UBE3C: variants seen among roughly 807,000 people sequenced by gnomAD.
UBE3C encodes ubiquitin protein ligase E3C.
Under a neutral mutation model 129.4 loss-of-function variants are expected in UBE3C, and 42 were observed. That is an observed-to-expected ratio of 0.32 (90% CI 0.25 to 0.42). The LOEUF is 0.42. Ranked by LOEUF, UBE3C falls within the 10% of genes least tolerant of loss-of-function variation. The pLI is 1.00. For synonymous variants in UBE3C, 510 were observed against 492.4 expected (o/e 1.04, Z -0.47); for missense variants, 1,049 against 1,319.1 (o/e 0.80, Z 3.17).
intron 4 of UBE3C, among the ~76,000 whole-genome samples, chr7:157,171,795 C>G (rs1448345648): frequency 7.0e-6 from 1 of 143,626 alleles, no homozygotes; most frequent in Non-Finnish European, 1.5e-5. Context: ...TAACCTCCGC[C>G]TCACGGGTTC....
At chr7:157,257,086 A>C (rs1215452953) in intron 22 of UBE3C, 42 bp downstream of exon 22, 1 of 1,609,362 alleles carries the variant, frequency 6.2e-7, no homozygotes, top group Non-Finnish European at 8.5e-7. Context: ...ACCACTTCAT[A>C]ATAAGAAAGG....
At chr7:157,153,995 TG>T (rs59577520) in intron 1 of UBE3C, among the ~76,000 whole-genome samples, 7 of 147,654 alleles carry the variant, frequency 4.7e-5, no homozygotes, top group African/African-American at 7.6e-5. Flanking sequence ...AGGCCCTGTC[TG>T]GGGGGGGAAA....
rs774377779 is a variant in UBE3C at position 157,254,037 on chromosome 7, C to T, written c.2778C>T (p.Tyr926=). 16 of 1,613,608 alleles carry T rather than the reference C, an allele frequency of 9.9e-6. No homozygotes were observed. The highest frequency in any genetic ancestry group is 1.4e-5 in the Non-Finnish European group (16 of 1,179,882). The change falls in exon 20 of 23, where the codon TAC becomes TAT. Residue 926 remains tyrosine (Y), a synonymous_variant. Coordinates refer to ENST00000348165, the MANE Select transcript of UBE3C (RefSeq NM_014671.3). ...RIAYIHLVAD[Y]RLNRQIRQHC... Reference sequence around the variant, plus strand: ...CGTACATCCACTTGGTGGCAGACTACAGGCTGAACAGGCAGATCCGCCAGC... The same window carrying T: ...CGTACATCCACTTGGTGGCAGACTATAGGCTGAACAGGCAGATCCGCCAGC...
At chr7:157,247,652 G>A (rs1002596052) in intron 18 of UBE3C, among the ~76,000 whole-genome samples, 5 of 151,864 alleles carry the variant, frequency 3.3e-5, no homozygotes, top group Admixed American at 2.0e-4. Flanking sequence ...AGATCGCGCG[G>A]CTGCACTCCA....
chr7:157,230,683 A>G (rs1398680724), intron 17 of UBE3C, among the ~76,000 whole-genome samples: 2 of 142,612 alleles, frequency 1.4e-5, no homozygotes, highest in Admixed American at 1.4e-4. Flanking sequence ...TGACAGAGGC[A>G]GACCCCGTCT....
At chr7:157,142,708 G>A (rs1311920356) in intron 1 of UBE3C, among the ~76,000 whole-genome samples, 1 of 152,032 alleles carries the variant, frequency 6.6e-6, no homozygotes. Context: ...AGAGAGGGAC[G>A]GGGACAAGGG....
At chr7:157,265,653 C>G (rs1797057201) in intron 22 of UBE3C, among the ~76,000 whole-genome samples, 1 of 152,214 alleles carries the variant, frequency 6.6e-6, no homozygotes, top group African/African-American at 2.4e-5. Flanking sequence ...GACCCATTAT[C>G]AGATGAGAAA....
intron 2 of UBE3C, among the ~76,000 whole-genome samples, chr7:157,164,742 A>G (rs2116866416): frequency 6.6e-6 from 1 of 152,260 alleles, no homozygotes; most frequent in East Asian, 1.9e-4. Context: ...TGTACTAGGT[A>G]TTGCTCTGCT....
chr7:157,176,978 T>C (rs1258172753), intron 5 of UBE3C, among the ~76,000 whole-genome samples: 1 of 152,244 alleles, frequency 6.6e-6, no homozygotes, highest in African/African-American at 2.4e-5. Context: ...AAATGTGGCC[T>C]TCCAGAACCA....
chr7:157,169,577 C>T (rs58383368), intron 3 of UBE3C, among the ~76,000 whole-genome samples: 2,073 of 152,130 alleles, frequency 0.014, 40 homozygotes, highest in African/African-American at 0.047. Flanking sequence ...TGTTTTGCCA[C>T]GTTGACCAGG....
intron 1 of UBE3C, among the ~76,000 whole-genome samples, chr7:157,155,661 T>C (rs147319704): frequency 1.3e-5 from 2 of 152,218 alleles, no homozygotes; most frequent in Non-Finnish European, 2.9e-5. Context: ...ATTTATTTAG[T>C]GAAGAAAGCA....
chr7:157,188,890 C>A lies in UBE3C; in HGVS notation c.1331+1869C>A, dbSNP rs1808879677. 6 of 577,668 alleles carry A rather than the reference C, an allele frequency of 1.0e-5. No homozygotes were observed. The East Asian group carries it at 1.1e-4, about 10-fold the overall frequency. 35.8% of individuals were successfully genotyped at this position (577,668 alleles called of 1,614,324 possible). On this transcript the variant is annotated intron_variant, in intron 10 of 22. Transcript: ENST00000348165. ...CAGGCCCTCACTGATTAATATTAGT[C>A]CCTTTTATTTTCAGAGTTAGGATTT...
chr7:157,159,476 CT>C lies in UBE3C; in HGVS notation c.67-4333del, dbSNP rs533007701. ...AAAAGGACACATTCAAAAGATCAGA[CT>C]GTGGATGGTTTCTTGAAGCAAAAGT... On this transcript the variant is annotated intron_variant, in intron 1 of 22. Coordinates refer to ENST00000348165, the MANE Select transcript of UBE3C (RefSeq NM_014671.3). Among the ~76,000 whole-genome samples the C allele has an allele frequency of 2.2e-4, 34 of 152,264 alleles. 1 individual carries two copies. In the South Asian group the frequency reaches 4.8e-3, roughly 21 times the overall value.
intron 11 of UBE3C, among the ~76,000 whole-genome samples, chr7:157,203,523 C>T (rs568807771): frequency 1.3e-5 from 2 of 152,232 alleles, no homozygotes; most frequent in South Asian, 2.1e-4. Flanking sequence ...TATCGTTTAC[C>T]CATAAGTGCC....
intron 10 of UBE3C, among the ~76,000 whole-genome samples, chr7:157,199,412 C>T (rs1809216930): frequency 6.6e-6 from 1 of 152,096 alleles, no homozygotes; most frequent in Middle Eastern, 3.4e-3. Flanking sequence ...TTTTCTAATA[C>T]AGCTTCCCTT....
intron 10 of UBE3C, among the ~76,000 whole-genome samples, chr7:157,199,766 C>T (rs1261691448): frequency 1.3e-5 from 2 of 152,084 alleles, no homozygotes; most frequent in African/African-American, 4.8e-5. Context: ...CCACCAGGTC[C>T]AGCCATATTT....
intron 10 of UBE3C, among the ~76,000 whole-genome samples, chr7:157,189,737 C>T (rs566358939): frequency 6.7e-6 from 1 of 148,876 alleles, no homozygotes; most frequent in East Asian, 2.1e-4. Flanking sequence ...TCTCAGTTTC[C>T]TTTGTGGGTT....
chr7:157,229,016 G>A (rs568176761), intron 17 of UBE3C, among the ~76,000 whole-genome samples: 18 of 152,244 alleles, frequency 1.2e-4, no homozygotes, highest in South Asian at 8.3e-4. Context: ...ATGCTCCAGG[G>A]CAGATATGTT....
intron 22 of UBE3C, among the ~76,000 whole-genome samples, chr7:157,259,736 G>A (rs2116705968): frequency 6.6e-6 from 1 of 152,346 alleles, no homozygotes; most frequent in South Asian, 2.1e-4. Flanking sequence ...GGCAGCGGGA[G>A]CTTCGGAGAA....
Sources: gnomAD v4.1 joint callset for allele counts (sites outside exome capture counted in the v4.1 genomes callset) on GRCh38, gnomAD v4.1.1 for gene constraint, MANE v1.5 for transcripts, NCBI Gene and HGNC (gene_info 2026-07-23, HGNC 2026-07-21) for gene names.